ZNF84: variants seen among roughly 807,000 people sequenced by gnomAD.
ZNF84 encodes zinc finger protein HPF2.
Under a neutral mutation model 14.8 loss-of-function variants are expected in ZNF84, and 12 were observed. The observed-to-expected ratio is 0.81, with a 90% confidence interval of 0.52 to 1.31. The LOEUF is 1.31. Among genes scored for constraint, ZNF84 ranks in the 50% most tolerant of loss-of-function variants. ZNF84 has a pLI of 0.00. For synonymous variants in ZNF84, 347 were observed against 291.1 expected (o/e 1.19, Z -1.96); for missense variants, 859 against 878.6 (o/e 0.98, Z 0.28).
Position 133,059,643 on chromosome 12 carries a change from A to G in ZNF84, c.*711A>G, listed in dbSNP as rs1320421015. The G allele has an allele frequency of 6.6e-6, 1 of 152,248 alleles. No individual in the cohort carries two copies. The highest frequency in any genetic ancestry group is 2.4e-5 in the African/African-American group (1 of 41,470). The allele number at this position is 152,248 out of a possible 1,614,324, so 9.4% of individuals were successfully genotyped here. On this transcript the variant is annotated 3_prime_UTR_variant, in exon 5 of 5. Transcript: ENST00000539354. ...TATTTGTGGCTTATCTTCTAGTGTC[A>G]CGTATGTTTTGTGTTTTGGACTTAC...
In ZNF84 at chr12:133,059,165, AT is replaced by A. The variant is rs1397622194; in HGVS notation, c.*235del. ...ATAGACAAGCCTTATAGAGTAGAAC[AT>A]TCACAGCAAAGAAGAATCCTGTGAA... On this transcript the variant is annotated 3_prime_UTR_variant, in exon 5 of 5. Coordinates refer to ENST00000539354, the MANE Select transcript of ZNF84 (RefSeq NM_001289971.2). 32 of 435,010 alleles carry A rather than the reference AT, an allele frequency of 7.4e-5. No individual in the cohort carries two copies. Among genetic ancestry groups the A allele is most frequent in the Non-Finnish European group, 1.2e-4 (30 of 247,818 alleles). The allele number at this position is 435,010 out of a possible 1,614,324, so 26.9% of individuals were successfully genotyped here.
chr12:133,058,106 G>T lies in ZNF84; in HGVS notation c.1391G>T (p.Cys464Phe), dbSNP rs1032465252. ...GAAAAACCCTTTATATGCAGTAAAT[G>T]TGGGAAAGCCTTCAGCAGGAAATCA... ...TGEKPFICSK[C>F]GKAFSRKSQL... Residue 464 changes from cysteine (C) to phenylalanine (F), a missense_variant, in exon 5 of 5, where the codon TGT (cysteine) becomes TTT (phenylalanine). Cys to Phe is a radical substitution (Grantham distance 205, BLOSUM62 -2). Transcript: ENST00000539354. The T allele has an allele frequency of 1.9e-6, 3 of 1,613,996 alleles. No homozygotes were observed. Among genetic ancestry groups the T allele is most frequent in the South Asian group, 2.2e-5 (2 of 91,074 alleles).
chr12:133,052,967 T>G (rs1954097345), intron 4 of ZNF84, among the ~76,000 whole-genome samples: 3 of 152,214 alleles, frequency 2.0e-5, no homozygotes, highest in African/African-American at 7.2e-5. Context: ...GCCTGAGAGA[T>G]ACAGATAAGT....
In ZNF84 at chr12:133,062,202, T is replaced by G. The variant is rs922198585; in HGVS notation, c.*3270T>G. The G allele has an allele frequency of 1.3e-5, 2 of 152,206 alleles. No homozygotes were observed. Among genetic ancestry groups the G allele is most frequent in the Non-Finnish European group, 2.9e-5 (2 of 68,022 alleles). The allele number at this position is 152,206 out of a possible 1,614,324, so 9.4% of individuals were successfully genotyped here. ...ACATTGTTTTCCTTTTACTAAGTAG[T>G]GGGTTTTCCTTAAGGTCCAGACTGA... On this transcript the variant is annotated 3_prime_UTR_variant, in exon 5 of 5. Transcript: ENST00000539354.
chr12:133,059,032 C>G lies in ZNF84; in HGVS notation c.*100C>G. ...AGTCACGTCATGTTAGGTGTTTGTA[C>G]TCCATGAGGATGAGAACTCTAAATG... On this transcript the variant is annotated 3_prime_UTR_variant, in exon 5 of 5. Coordinates refer to ENST00000539354, the MANE Select transcript of ZNF84 (RefSeq NM_001289971.2). The G allele has an allele frequency of 3.6e-6, 4 of 1,123,940 alleles. No homozygotes were observed. Among genetic ancestry groups the G allele is most frequent in the Non-Finnish European group, 3.8e-6 (3 of 791,764 alleles). The allele number at this position is 1,123,940 out of a possible 1,614,324, so 69.6% of individuals were successfully genotyped here. A position where few individuals can be genotyped will look rare whatever the true frequency, so the allele number is the denominator to read the frequency against.
intron 4 of ZNF84, among the ~76,000 whole-genome samples, chr12:133,056,738 C>T (rs1954165937): frequency 6.6e-6 from 1 of 152,124 alleles, no homozygotes; most frequent in Admixed American, 6.5e-5. Context: ...TTGTCAACAA[C>T]CAAAGATGAC....
At position 133,057,900 on chromosome 12, in the gene ZNF84, A is replaced by G. The variant is rs919190463; in HGVS notation, c.1185A>G (p.Thr395=). The G allele has an allele frequency of 4.2e-5, 67 of 1,613,472 alleles. No homozygotes were observed. Among genetic ancestry groups the G allele is most frequent in the Admixed American group, 1.2e-4 (7 of 59,972 alleles). Residue 395 remains threonine, a synonymous_variant, in exon 5 of 5, where the codon ACA becomes ACG. Coordinates refer to ENST00000539354, the MANE Select transcript of ZNF84 (RefSeq NM_001289971.2). ...AGTCAGAGCTTATTAGACATCAGACAATTCATACTGGAGAGAAACCCTATG... is the reference window on the plus strand; with the variant it reads ...AGTCAGAGCTTATTAGACATCAGACGATTCATACTGGAGAGAAACCCTATG... ...FEKSELIRHQ[T]IHTGEKPYEC...
At chr12:133,042,784 G>C (rs1252231960) in intron 2 of ZNF84, among the ~76,000 whole-genome samples, 4 of 152,196 alleles carry the variant, frequency 2.6e-5, no homozygotes, top group African/African-American at 9.7e-5. Flanking sequence ...AAACTGTAAG[G>C]CCTAATTTAC....
At chr12:133,042,376 T>C (rs1014970763) in intron 2 of ZNF84, among the ~76,000 whole-genome samples, 4 of 152,246 alleles carry the variant, frequency 2.6e-5, no homozygotes, top group African/African-American at 4.8e-5. Context: ...AAATACATGC[T>C]AATTCTGCTG....
Position 133,048,100 on chromosome 12 carries a change from AG to A in ZNF84, c.142+21del, listed in dbSNP as rs779762061. The A allele has an allele frequency of 1.8e-3, 2,855 of 1,611,698 alleles. 8 individuals are homozygous for A. Among genetic ancestry groups the A allele is most frequent in the Non-Finnish European group, 2.2e-3 (2,641 of 1,178,460 alleles). ...TCACTGGGTAATAAAAGCTTTCTTGAGGACCTTGGACTATGCCCAATGCATT... is the reference window on the plus strand; with the variant it reads ...TCACTGGGTAATAAAAGCTTTCTTGAGACCTTGGACTATGCCCAATGCATT... On this transcript the variant is annotated intron_variant, in intron 3 of 4. Transcript: ENST00000539354.
Position 133,057,103 on chromosome 12 carries a change from G to C in ZNF84, c.388G>C (p.Gly130Arg), listed in dbSNP as rs1954173056. Residue 130 changes from glycine (G) to arginine (R), a missense_variant, in exon 5 of 5, where the codon GGT (glycine) becomes CGT (arginine). Coordinates refer to ENST00000539354, the MANE Select transcript of ZNF84 (RefSeq NM_001289971.2). ...FVPLRKSNSE[G>R]DLDGLILKHH... is the part of the protein sequence containing the mutation. ...TCCTTTAAGGAAATCAAACAGTGAA[G>C]GTGACTTAGATGGATTGATTTTAAA... The C allele has an allele frequency of 1.9e-6, 3 of 1,613,040 alleles. No individual in the cohort carries two copies. The African/African-American group carries it at 4.0e-5, about 22-fold the overall frequency.
In ZNF84 at chr12:133,041,298, C is replaced by T. The variant is rs1006425507; in HGVS notation, c.-170C>T. 4.5e-5 allele frequency: 29 copies of T among 651,318 alleles called. No individual in the cohort carries two copies. Among genetic ancestry groups the T allele is most frequent in the South Asian group, 7.7e-5 (4 of 52,052 alleles). The allele number at this position is 651,318 out of a possible 1,614,324, so 40.3% of individuals were successfully genotyped here. On this transcript the variant is annotated 5_prime_UTR_variant, in exon 2 of 5. Coordinates refer to ENST00000539354, the MANE Select transcript of ZNF84 (RefSeq NM_001289971.2). ...CGAAGTCCACAGATCCTGGTCCCTA[C>T]AAATAAGCCTGCTCATGTGAGATAA... is the stretch of plus-strand genomic sequence containing the variant.
intron 2 of ZNF84, among the ~76,000 whole-genome samples, chr12:133,041,835 T>G (rs1231378579): frequency 6.6e-6 from 1 of 152,248 alleles, no homozygotes. Flanking sequence ...AAGTAAATAT[T>G]TCTTGGTTAT....
At position 133,057,165 on chromosome 12, in the gene ZNF84, T is replaced by C; in HGVS notation, c.450T>C (p.Tyr150=). 6.2e-7 allele frequency: 1 copy of C among 1,611,166 alleles called. No individual in the cohort carries two copies. Residue 150 remains tyrosine, a synonymous_variant, in exon 5 of 5, where the codon TAT becomes TAC. Transcript: ENST00000539354. ...ATTTGCTTATTCCAAAAGGAGATTATGGAAAAGCAGAATCAGATGACTTTA... is the reference window on the plus strand; with the variant it reads ...ATTTGCTTATTCCAAAAGGAGATTACGGAAAAGCAGAATCAGATGACTTTA... ...HLDLLIPKGD[Y]GKAESDDFNV...
chr12:133,043,293 T>C (rs1173149133), intron 2 of ZNF84, among the ~76,000 whole-genome samples: 1 of 152,072 alleles, frequency 6.6e-6, no homozygotes, highest in Non-Finnish European at 1.5e-5. Context: ...TTCTCCTGAG[T>C]AGCTGGGACT....
chr12:133,046,561 A>G (rs1281506577), intron 2 of ZNF84, among the ~76,000 whole-genome samples: 1 of 151,604 alleles, frequency 6.6e-6, no homozygotes, highest in African/African-American at 2.4e-5. Flanking sequence ...TTTCTTAGTT[A>G]CTATAAGTTT....
chr12:133,045,779 G>A (rs1953969273), intron 2 of ZNF84, among the ~76,000 whole-genome samples: 1 of 152,148 alleles, frequency 6.6e-6, no homozygotes, highest in Middle Eastern at 3.4e-3. Context: ...TGAACTTCTT[G>A]AATTTTTTGG....
chr12:133,052,304 A>C (rs1360904189), intron 4 of ZNF84, among the ~76,000 whole-genome samples: 1 of 152,090 alleles, frequency 6.6e-6, no homozygotes, highest in African/African-American at 2.4e-5. Flanking sequence ...CAGTGTGTAC[A>C]TGGAGAGAGA....
Position 133,048,819 on chromosome 12 carries a change from A to G in ZNF84, c.209A>G (p.Asp70Gly), listed in dbSNP as rs1281932589. Residue 70 changes from aspartate (D) to glycine (G), a missense_variant, in exon 4 of 5, where the codon GAT becomes GGT. By Grantham distance (94) the Asp-to-Gly change is moderately conservative. Coordinates refer to ENST00000539354, the MANE Select transcript of ZNF84 (RefSeq NM_001289971.2). ...CAAGGAGAAGAGCCGTGGGTAGGAG[A>G]TGGAGAAATTCCAAGTTCAGATTCT... ...LEQGEEPWVG[D>G]GEIPSSDSPE... 3 of 1,613,512 alleles carry G rather than the reference A, an allele frequency of 1.9e-6. No individual in the cohort carries two copies. Among genetic ancestry groups the G allele is most frequent in the Non-Finnish European group, 2.5e-6 (3 of 1,179,826 alleles).
Sources: gnomAD v4.1 joint callset for allele counts (sites outside exome capture counted in the v4.1 genomes callset) on GRCh38, gnomAD v4.1.1 for gene constraint, MANE v1.5 for transcripts, NCBI Gene and HGNC (gene_info 2026-07-23, HGNC 2026-07-21) for gene names.